The following BTAF1 variants were observed in gnomAD, a reference collection of about 807,000 sequenced individuals.
BTAF1 encodes the protein B-TFIID TATA-box binding protein associated factor 1, also known as TATA-binding protein-associated factor 172.
A neutral mutation model predicts 227.1 loss-of-function variants in BTAF1; 38 were observed. The observed-to-expected ratio is 0.17, with a 90% CI of 0.13 to 0.22. The LOEUF (loss-of-function observed/expected upper bound fraction) is 0.22, where lower values mean the gene tolerates loss of function less well. BTAF1 is among the 10% of genes least tolerant of loss of function. The pLI, the probability that BTAF1 is intolerant of heterozygous loss-of-function variation, is 1.00. For missense variants in BTAF1, 1,598 were observed against 2,204.0 expected (o/e 0.73, Z 5.51); for synonymous variants, 742 against 751.9 (o/e 0.99, Z 0.21).
At chr10:91,938,238 A>G (rs901811348) in intron 2 of BTAF1, among the ~76,000 whole-genome samples, 3 of 152,192 alleles carry the variant, frequency 2.0e-5, no homozygotes, top group African/African-American at 7.2e-5. Context: ...TGATTAGGAA[A>G]TAGATATTTG....
At chr10:92,018,542 G>C (rs988837110) in intron 33 of BTAF1, among the ~76,000 whole-genome samples, 3 of 152,150 alleles carry the variant, frequency 2.0e-5, no homozygotes, top group African/African-American at 7.2e-5. Flanking sequence ...TTGTCTGGTG[G>C]GGGAGACAGA....
intron 3 of BTAF1, 124 bp from the exon 4 acceptor site, chr10:91,942,298 T>TTTTGTGTG: frequency 1.8e-6 from 1 of 545,504 alleles, no homozygotes. Context: ...AAAAAAAAGT[T>TTTTGTGTG]TGTGTGTGTG....
rs1044728108 is a variant in BTAF1, at chr10:91,966,527, A to G, written c.1530-110A>G. 6.1e-6 allele frequency: 7 copies of G among 1,145,862 alleles called. No homozygotes were observed. In the African/African-American group the frequency reaches 9.3e-5, roughly 15 times the overall value. 71.0% of individuals were successfully genotyped at this position (1,145,862 alleles called of 1,614,324 possible). ...TTATCTTTTAAGAATTTATTCATCA[A>G]AAAAGTCACATGGTGTCAGCATCAC... is the stretch of plus-strand genomic sequence containing the variant. On this transcript the variant is annotated intron_variant, in intron 13 of 37. Coordinates refer to ENST00000265990, the MANE Select transcript of BTAF1 (RefSeq NM_003972.3).
intron 14 of BTAF1, among the ~76,000 whole-genome samples, chr10:91,974,415 CATT>C (rs945038915): frequency 3.3e-5 from 5 of 152,182 alleles, no homozygotes; most frequent in African/African-American, 7.2e-5. Flanking sequence ...GTCTCTGAAA[CATT>C]ATTTCCTTTA....
At chr10:91,929,620 G>A (rs1472654375) in intron 1 of BTAF1, among the ~76,000 whole-genome samples, 1 of 152,126 alleles carries the variant, frequency 6.6e-6, no homozygotes, top group Non-Finnish European at 1.5e-5. Context: ...ACGTTCAGTG[G>A]GTCCTGGACA....
chr10:92,011,056 T>C lies in BTAF1; in HGVS notation c.4104-17T>C. The C allele has an allele frequency of 6.4e-7, 1 of 1,569,774 alleles. No individual in the cohort carries two copies. Among genetic ancestry groups the C allele is most frequent in the South Asian group, 1.2e-5 (1 of 85,350 alleles). On this transcript the variant is annotated splice_polypyrimidine_tract_variant and intron_variant, in intron 28 of 37. Transcript: ENST00000265990. ...TCAGGGTCTCTGTTTTCTAATTTTA[T>C]TCATTTCTAAATAAAGGTTACAGCA...
chr10:91,960,182 G>T (rs1846399718), intron 11 of BTAF1, 28 bp downstream of exon 11: 1 of 1,602,724 alleles, frequency 6.2e-7, no homozygotes, highest in Non-Finnish European at 8.5e-7. Flanking sequence ...TGAAGCTTAT[G>T]TGGGAGAGTT....
Position 91,923,959 on chromosome 10 carries a change from A to G in BTAF1, c.-118A>G. On this transcript the variant is annotated 5_prime_UTR_variant, in exon 1 of 38. Transcript: ENST00000265990. ...CCTGCGCTGGAACGCCCCACGCCGCACCGGCCGCTCCCCTGTGCTCCGCGG... is the reference window on the plus strand; with the variant it reads ...CCTGCGCTGGAACGCCCCACGCCGCGCCGGCCGCTCCCCTGTGCTCCGCGG... 1 of 1,321,770 alleles carries G rather than the reference A, an allele frequency of 7.6e-7. No homozygotes were observed. Among genetic ancestry groups the G allele is most frequent in the Non-Finnish European group, 9.9e-7 (1 of 1,007,212 alleles). 81.9% of individuals were successfully genotyped at this position (1,321,770 alleles called of 1,614,324 possible).
At chr10:91,955,746 G>T (rs2133875427) in intron 6 of BTAF1, among the ~76,000 whole-genome samples, 1 of 152,250 alleles carries the variant, frequency 6.6e-6, no homozygotes, top group South Asian at 2.1e-4. Flanking sequence ...CAAGTTCAGG[G>T]ACTTAAGGTG....
chr10:91,970,294 T>A (rs1209209055), intron 14 of BTAF1, among the ~76,000 whole-genome samples: 1 of 152,204 alleles, frequency 6.6e-6, no homozygotes, highest in East Asian at 1.9e-4. Flanking sequence ...GATTCTGTGC[T>A]GGGTTTCCTG....
chr10:92,004,240 T>C (rs920708923), intron 25 of BTAF1, among the ~76,000 whole-genome samples: 2 of 152,174 alleles, frequency 1.3e-5, no homozygotes, highest in African/African-American at 4.8e-5. Context: ...TTTGATGCAG[T>C]CCTATTTGTC....
chr10:91,946,359 A>T (rs982581460), intron 4 of BTAF1, among the ~76,000 whole-genome samples: 6 of 152,036 alleles, frequency 3.9e-5, no homozygotes, highest in Admixed American at 3.9e-4. Context: ...AACTCTGTCT[A>T]AAAAAAAGAA....
At position 91,997,712 on chromosome 10, in the gene BTAF1, G is replaced by A. The variant is rs1317214618; in HGVS notation, c.3621G>A (p.Thr1207=). Residue 1207 remains threonine (T), a synonymous_variant, in exon 25 of 38, where the codon ACG becomes ACA. Coordinates refer to ENST00000265990, the MANE Select transcript of BTAF1 (RefSeq NM_003972.3). The part of the protein sequence containing the change: ...DQTDSVRFMA[T]QCFATLIRLM... ...CAGACAGTGTGAGATTCATGGCCACGCAGTGCTTTGCAACGCTAATTAGAC... is the reference window on the plus strand; with the variant it reads ...CAGACAGTGTGAGATTCATGGCCACACAGTGCTTTGCAACGCTAATTAGAC... 8 of 1,613,916 alleles carry A rather than the reference G, an allele frequency of 5.0e-6. No homozygotes were observed. In the East Asian group the frequency reaches 6.7e-5, roughly 13 times the overall value.
intron 25 of BTAF1, among the ~76,000 whole-genome samples, chr10:92,002,467 G>A (rs1849617127): frequency 6.6e-6 from 1 of 152,160 alleles, no homozygotes; most frequent in Non-Finnish European, 1.5e-5. Context: ...CTTGGGTTTA[G>A]GGTTTCATTG....
At chr10:92,018,372 T>A (rs946734399) in intron 33 of BTAF1, among the ~76,000 whole-genome samples, 5 of 152,302 alleles carry the variant, frequency 3.3e-5, no homozygotes, top group South Asian at 2.1e-4. Flanking sequence ...TGAGGCACCA[T>A]GCCCGGCCAG....
rs901201996 is a variant in BTAF1 at position 91,993,553 on chromosome 10, A to G, written c.3046-141A>G. 3 of 658,458 alleles carry G rather than the reference A, an allele frequency of 4.6e-6. No individual in the cohort carries two copies. The African/African-American group carries it at 5.6e-5, about 12-fold the overall frequency. 40.8% of individuals were successfully genotyped at this position (658,458 alleles called of 1,614,324 possible). Reference sequence around the variant, plus strand: ...ATTGGGAAATGTTTATAATTGAGACAAACATGTCTAATAATTGCTTACTTG... The same window carrying G: ...ATTGGGAAATGTTTATAATTGAGACGAACATGTCTAATAATTGCTTACTTG... On this transcript the variant is annotated intron_variant, in intron 21 of 37. Coordinates refer to ENST00000265990, the MANE Select transcript of BTAF1 (RefSeq NM_003972.3).
Position 91,996,193 on chromosome 10 carries a change from T to G in BTAF1, c.3310-176T>G, listed in dbSNP as rs142803749. ...TTTGAAAGAGTTGTAATACATTAAT[T>G]TGTATTTGGATTAGTTTTCTATTGA... On this transcript the variant is annotated intron_variant, in intron 23 of 37. Transcript: ENST00000265990. Among the ~76,000 whole-genome samples, 531 of 152,296 alleles carry G rather than the reference T, an allele frequency of 3.5e-3. 3 individuals are homozygous for G. Among genetic ancestry groups the G allele is most frequent in the African/African-American group, 0.012 (495 of 41,554 alleles).
In BTAF1 at chr10:91,991,305, G is replaced by A. The variant is rs545964122; in HGVS notation, c.2855-814G>A. 5.7e-4 allele frequency among the ~76,000 whole-genome samples: 47 copies of A among 81,966 alleles called. No homozygotes were observed. The East Asian group carries it at 0.012, about 21-fold the overall frequency. The allele number at this position is 81,966 out of a possible 152,430, so 53.8% of individuals were successfully genotyped here. On this transcript the variant is annotated intron_variant, in intron 20 of 37. Coordinates refer to ENST00000265990, the MANE Select transcript of BTAF1 (RefSeq NM_003972.3). ...ATATATATATATAAATTATCCGGAC[G>A]TGGTGGCGTGCGTCTGTAATCCTAG...
At chr10:91,958,094 G>A (rs1381762666) in intron 8 of BTAF1, among the ~76,000 whole-genome samples, 2 of 152,038 alleles carry the variant, frequency 1.3e-5, no homozygotes, top group African/African-American at 4.8e-5. Flanking sequence ...TGTCTCCCAG[G>A]CTGAAGTGCA....
Sources: gnomAD v4.1 joint callset for allele counts (sites outside exome capture counted in the v4.1 genomes callset) on GRCh38, gnomAD v4.1.1 for gene constraint, MANE v1.5 for transcripts, NCBI Gene and HGNC (gene_info 2026-07-23, HGNC 2026-07-21) for gene names.